The following ACTG2 variants were observed in gnomAD, a reference collection of about 807,000 sequenced individuals.
ACTG2 encodes actin gamma 2, smooth muscle.
A neutral mutation model predicts 37.6 loss-of-function variants in ACTG2; 16 were observed. The ratio of observed to expected loss-of-function variants is 0.43; its 90% CI spans 0.29 to 0.65. The LOEUF (loss-of-function observed/expected upper bound fraction) is 0.65, where lower values mean the gene tolerates loss of function less well. Among genes scored for constraint, ACTG2 ranks in the 30% least tolerant of loss-of-function variants. The pLI is 0.18. For missense variants in ACTG2, 238 were observed against 490.9 expected, an observed-to-expected ratio of 0.48 and a Z score of 4.87; for synonymous variants, 181 against 179.9, an observed-to-expected ratio of 1.01 and a Z score of -0.05.
chr2:73,894,508 A>T (rs1347461124), intron 1 of ACTG2, among the ~76,000 whole-genome samples: 1 of 152,180 alleles, frequency 6.6e-6, no homozygotes, highest in Admixed American at 6.5e-5. Flanking sequence ...GCCAACATTT[A>T]TTGAGCACTT....
At chr2:73,908,616 G>A (rs1680063737) in intron 3 of ACTG2, 57 bp from the exon 4 acceptor site, 1 of 1,411,602 alleles carries the variant, frequency 7.1e-7, no homozygotes, top group Non-Finnish European at 9.8e-7. Flanking sequence ...GAATGTCAAT[G>A]AGAATTTTCC....
intron 3 of ACTG2, chr2:73,908,448 A>C (rs374994290): frequency 8.0e-6 from 5 of 628,690 alleles, no homozygotes; most frequent in African/African-American, 7.2e-5. Context: ...AATAATGAAC[A>C]CATAGAAAAT....
chr2:73,895,183 G>A (rs1332864801), intron 1 of ACTG2, among the ~76,000 whole-genome samples: 1 of 151,804 alleles, frequency 6.6e-6, no homozygotes, highest in Non-Finnish European at 1.5e-5. Flanking sequence ...GTGTGGAGTT[G>A]GGGTGCCAGG....
chr2:73,902,092 G>T (rs1364348729), intron 2 of ACTG2, among the ~76,000 whole-genome samples: 5 of 151,336 alleles, frequency 3.3e-5, no homozygotes, highest in African/African-American at 1.2e-4. Context: ...GGGAAGAAGT[G>T]TATGGGAGGG....
intron 3 of ACTG2, among the ~76,000 whole-genome samples, chr2:73,907,962 G>A (rs1012931915): frequency 3.3e-5 from 5 of 152,220 alleles, no homozygotes; most frequent in Non-Finnish European, 5.9e-5. Flanking sequence ...TTCTCAGCAG[G>A]AGATAGTGTA....
chr2:73,893,795 T>G (rs1679681767), intron 1 of ACTG2, among the ~76,000 whole-genome samples: 1 of 151,708 alleles, frequency 6.6e-6, no homozygotes, highest in East Asian at 1.9e-4. Context: ...ATGTCATTAC[T>G]CCCCCCAACC....
chr2:73,910,474 C>T (rs1216797168), intron 5 of ACTG2, among the ~76,000 whole-genome samples: 1 of 120,604 alleles, frequency 8.3e-6, no homozygotes, highest in Non-Finnish European at 1.6e-5. Context: ...TCAAACGATT[C>T]TCCTGCCTCA....
chr2:73,893,284 G>C (rs906658040), intron 1 of ACTG2, among the ~76,000 whole-genome samples: 1 of 152,232 alleles, frequency 6.6e-6, no homozygotes, highest in African/African-American at 2.4e-5. Context: ...CCCTGCCTCA[G>C]AATGGGGACT....
intron 3 of ACTG2, among the ~76,000 whole-genome samples, chr2:73,906,458 A>T (rs1043687601): frequency 2.4e-5 from 2 of 83,708 alleles, no homozygotes; most frequent in Non-Finnish European, 5.6e-5. Flanking sequence ...CTCAAAATAA[A>T]AAATAAAAAA....
chr2:73,919,674 T>G lies in ACTG2; in HGVS notation c.*99T>G. The G allele has an allele frequency of 5.1e-6, 7 of 1,380,586 alleles. No homozygotes were observed. The highest frequency in any genetic ancestry group is 6.9e-6 in the Non-Finnish European group (7 of 1,015,910). The allele number at this position is 1,380,586 out of a possible 1,614,324, so 85.5% of individuals were successfully genotyped here. ...CCTTACTTCTCTGTGTGGGGCTCTT[T>G]TTTCCTGGGCTATGTCTCATACACA... On this transcript the variant is annotated 3_prime_UTR_variant, in exon 9 of 9. Coordinates refer to ENST00000345517, the MANE Select transcript of ACTG2 (RefSeq NM_001615.4).
chr2:73,912,545 A>G (rs1010159209), intron 5 of ACTG2, among the ~76,000 whole-genome samples: 2 of 152,114 alleles, frequency 1.3e-5, no homozygotes, highest in African/African-American at 2.4e-5. Context: ...CCATTTCTCT[A>G]TTGCTGGAGC....
chr2:73,896,532 T>C (rs575824241), intron 1 of ACTG2, among the ~76,000 whole-genome samples: 2 of 152,056 alleles, frequency 1.3e-5, no homozygotes, highest in East Asian at 3.9e-4. Context: ...AGGAAGGGAC[T>C]GGGCTGTGGG....
At chr2:73,905,637 A>T (rs1680000928) in intron 3 of ACTG2, among the ~76,000 whole-genome samples, 2 of 152,204 alleles carry the variant, frequency 1.3e-5, no homozygotes, top group Non-Finnish European at 2.9e-5. Context: ...CACTGAATTC[A>T]GTTAAGAATG....
chr2:73,902,630 G>A (rs984454369), intron 3 of ACTG2, 142 bp downstream of exon 3: 16 of 1,551,846 alleles, frequency 1.0e-5, no homozygotes, highest in African/African-American at 4.1e-5. Flanking sequence ...TCAGCCCCAC[G>A]ACCATTTCTC....
At chr2:73,903,939 C>CAAAAAAAAAAAAAAAAAAA (rs61362643) in intron 3 of ACTG2, among the ~76,000 whole-genome samples, 1 of 90,022 alleles carries the variant, frequency 1.1e-5, no homozygotes, top group Non-Finnish European at 2.1e-5. Flanking sequence ...GACTCCGTCT[C>CAAAAAAAAAAAAAAAAAAA]AAAAAAAAAA....
chr2:73,909,617 T>C (rs1680086679), intron 5 of ACTG2, among the ~76,000 whole-genome samples: 1 of 152,226 alleles, frequency 6.6e-6, no homozygotes, highest in Non-Finnish European at 1.5e-5. Flanking sequence ...GGCCTATTGC[T>C]TCCAGGCTAC....
rs750643247 is a variant in ACTG2, at chr2:73,916,675, C to T, written c.897C>T (p.Val299=). ...GTAAGGACTTATATGCCAACAATGT[C>T]CTCTCTGGGGGCACCACCATGTACC... ...DIRKDLYANN[V]LSGGTTMYPG... The change falls in exon 8 of 9, where the codon GTC becomes GTT. Residue 299 remains valine, a synonymous_variant. Coordinates refer to ENST00000345517, the MANE Select transcript of ACTG2 (RefSeq NM_001615.4). The T allele has an allele frequency of 6.2e-7, 1 of 1,614,088 alleles. No homozygotes were observed. The highest frequency in any genetic ancestry group is 8.5e-7 in the Non-Finnish European group (1 of 1,180,022).
At position 73,898,381 on chromosome 2, in the gene ACTG2, A is replaced by G. The variant is rs542886426; in HGVS notation, c.-36-2895A>G. On this transcript the variant is annotated intron_variant, in intron 1 of 8. Coordinates refer to ENST00000345517, the MANE Select transcript of ACTG2 (RefSeq NM_001615.4). The stretch of plus-strand genomic sequence containing the variant: ...CCTTTTCTATTGTATTAAATATTTC[A>G]GTTTCTCCATTGTATGGAGGCTTCC... Among the ~76,000 whole-genome samples the G allele has an allele frequency of 4.2e-3, 236 of 56,566 alleles. 6 individuals are homozygous for G. The highest frequency in any genetic ancestry group is 8.8e-3 in the African/African-American group (225 of 25,588). 37.1% of individuals were successfully genotyped at this position (56,566 alleles called of 152,430 possible).
chr2:73,902,120 A>G (rs998628597), intron 2 of ACTG2, among the ~76,000 whole-genome samples: 1 of 151,536 alleles, frequency 6.6e-6, no homozygotes, highest in African/African-American at 2.4e-5. Flanking sequence ...TTATCTCAGA[A>G]AACATCGTTG....
Sources: gnomAD v4.1 joint callset for allele counts (sites outside exome capture counted in the v4.1 genomes callset) on GRCh38, gnomAD v4.1.1 for gene constraint, MANE v1.5 for transcripts, NCBI Gene and HGNC (gene_info 2026-07-23, HGNC 2026-07-21) for gene names.